The following SLC4A9 variants were observed in gnomAD, a reference collection of about 807,000 sequenced individuals.
SLC4A9 encodes the protein solute carrier family 4 member 9, also known as anion exchange protein 4.
SLC4A9 carries 102 observed loss-of-function variants against 103.2 expected under a neutral mutation model. The ratio of observed to expected loss-of-function variants is 0.99; its 90% CI spans 0.84 to 1.17. The LOEUF (loss-of-function observed/expected upper bound fraction) is 1.17, where lower values mean the gene tolerates loss of function less well. Ranked by LOEUF, SLC4A9 falls within the 50% of genes most tolerant of loss-of-function variation. The probability of loss-of-function intolerance (pLI) is 0.00; values close to 1 mark genes in which losing one functional copy is unlikely to be tolerated. For missense variants in SLC4A9, 1,091 were observed against 1,193.7 expected (o/e 0.91, Z 1.27); for synonymous variants, 453 against 483.6 (o/e 0.94, Z 0.83).
At chr5:140,370,902 CAAT>C in intron 17 of SLC4A9, 190 bp from the exon 18 acceptor site, 1 of 561,874 alleles carries the variant, frequency 1.8e-6, no homozygotes, top group African/African-American at 1.9e-5. Flanking sequence ...AAAATGAAGG[CAAT>C]AATAACATTT....
At chr5:140,368,404 GC>G (rs1411656968) in intron 16 of SLC4A9, among the ~76,000 whole-genome samples, 182 bp from the exon 17 acceptor site, 15 of 152,196 alleles carry the variant, frequency 9.9e-5, no homozygotes, top group African/African-American at 2.9e-4. Flanking sequence ...GAAGTGCTCT[GC>G]CCCTTCCTCT....
chr5:140,362,828 G>T lies in SLC4A9; in HGVS notation c.808-84G>T. On this transcript the variant is annotated intron_variant, in intron 6 of 21. Transcript: ENST00000506757. ...AATGACTTGTCTGCCTCTGTGACTT[G>T]TGTCTGTCTAGTTTTGAGACTATGA... The T allele has an allele frequency of 2.6e-6, 4 of 1,537,434 alleles. No homozygotes were observed. In the South Asian group the frequency reaches 3.4e-5, roughly 13 times the overall value.
rs991853633 is a variant in SLC4A9, at chr5:140,372,389, A to C, written c.2818A>C (p.Ser940Arg). 1 of 1,609,818 alleles carries C rather than the reference A, an allele frequency of 6.2e-7. No individual in the cohort carries two copies. Among genetic ancestry groups the C allele is most frequent in the Non-Finnish European group, 8.5e-7 (1 of 1,178,924 alleles). ...EPEHSFSGSD[S>R]EDSELMYQPK... ...AGAACACTCATTCAGTGGAAGTGAC[A>C]GTGAAGATGTGAGCTCCAGGCTGGG... The change falls in exon 20 of 22, where the codon AGT (serine) becomes CGT (arginine). Residue 940 changes from serine (S) to arginine (R), a missense_variant. Physicochemically the swap from Ser to Arg is moderately radical, Grantham distance 110. Transcript: ENST00000506757.
At chr5:140,374,084 G>C (rs1212963623) in intron 21 of SLC4A9, among the ~76,000 whole-genome samples, 2 of 151,602 alleles carry the variant, frequency 1.3e-5, no homozygotes, top group African/African-American at 4.9e-5. Context: ...AAGAGGCTGA[G>C]GCAGGAGAAT....
At chr5:140,372,508 A>G in intron 20 of SLC4A9, 111 bp downstream of exon 20, 3 of 1,516,474 alleles carry the variant, frequency 2.0e-6, no homozygotes, top group Non-Finnish European at 2.6e-6. Context: ...GATCTGATCA[A>G]CAGTCACTTC....
chr5:140,371,315 CTG>C (rs1768689409), intron 18 of SLC4A9, 134 bp from the exon 19 acceptor site: 2 of 1,391,446 alleles, frequency 1.4e-6, no homozygotes, highest in Admixed American at 3.7e-5. Context: ...TCTCTTTTTC[CTG>C]TCTCTCCTGG....
intron 12 of SLC4A9, 33 bp downstream of exon 12, chr5:140,365,611 G>T: frequency 6.2e-7 from 1 of 1,603,280 alleles, no homozygotes; most frequent in African/African-American, 1.3e-5. Flanking sequence ...TTCTAGGAAG[G>T]AAAGGGTGGA....
rs1769272783 is a variant in SLC4A9 at position 140,374,840 on chromosome 5, T to C, written c.*59T>C. 6.6e-6 allele frequency: 1 copy of C among 152,164 alleles called. No individual in the cohort carries two copies. Among genetic ancestry groups the C allele is most frequent in the Admixed American group, 6.6e-5 (1 of 15,260 alleles). 9.4% of individuals were successfully genotyped at this position (152,164 alleles called of 1,614,324 possible). A position where few individuals can be genotyped will look rare whatever the true frequency, so the allele number is the denominator to read the frequency against. Reference sequence around the variant, plus strand: ...CTTAACTTCCAGATGCTCAGTCGGCTTGGGGAAGGACTGAAGGGCAGCTGC... The same window carrying C: ...CTTAACTTCCAGATGCTCAGTCGGCCTGGGGAAGGACTGAAGGGCAGCTGC... On this transcript the variant is annotated 3_prime_UTR_variant, in exon 22 of 22. Coordinates refer to ENST00000506757, the MANE Select transcript of SLC4A9 (RefSeq NM_031467.3).
chr5:140,367,539 G>A lies in SLC4A9; in HGVS notation c.2133G>A (p.Gln711=). 6.2e-7 allele frequency: 1 copy of A among 1,603,636 alleles called. No homozygotes were observed. The highest frequency in any genetic ancestry group is 1.3e-5 in the African/African-American group (1 of 74,796). The change falls in exon 15 of 22, where the codon CAG becomes CAA. Residue 711 remains glutamine (Q), a synonymous_variant. Coordinates refer to ENST00000506757, the MANE Select transcript of SLC4A9 (RefSeq NM_031467.3). ...CTATCCTCATCTTCATGGACCAACA[G>A]ATCACAGCAGTCATCCTCAACCGCA... ...LLSILIFMDQ[Q]ITAVILNRME...
At chr5:140,372,957 G>A (rs919732424) in intron 21 of SLC4A9, 114 bp downstream of exon 21, 2 of 587,500 alleles carry the variant, frequency 3.4e-6, no homozygotes, top group East Asian at 6.4e-5. Context: ...AGTCCCTTAG[G>A]AATCCTAGAT....
intron 17 of SLC4A9, among the ~76,000 whole-genome samples, chr5:140,369,768 G>A (rs1323507633): frequency 6.6e-6 from 1 of 152,070 alleles, no homozygotes; most frequent in Non-Finnish European, 1.5e-5. Flanking sequence ...TTGGGAGGCC[G>A]AGGTGGGCGG....
chr5:140,365,090 C>T (rs532680745), intron 11 of SLC4A9, among the ~76,000 whole-genome samples: 7 of 152,276 alleles, frequency 4.6e-5, no homozygotes, highest in Admixed American at 1.3e-4. Flanking sequence ...TGAGAGTGGC[C>T]GGCCAGGTGG....
In SLC4A9 at chr5:140,360,761, G is replaced by A. The variant is rs1766946724; in HGVS notation, c.231-51G>A. 2.5e-6 allele frequency: 4 copies of A among 1,610,956 alleles called. No homozygotes were observed. In the South Asian group the frequency reaches 3.3e-5, roughly 13 times the overall value. On this transcript the variant is annotated intron_variant, in intron 1 of 21. Transcript: ENST00000506757. Reference sequence around the variant, plus strand: ...CTAGCTCCTCTGCATCTCTGCTCCTGGACATGGGAGAAATGCCCTCAATAA... The same window carrying A: ...CTAGCTCCTCTGCATCTCTGCTCCTAGACATGGGAGAAATGCCCTCAATAA...
At chr5:140,364,265 G>A (rs1767560848) in intron 10 of SLC4A9, 78 bp downstream of exon 10, 1 of 1,584,576 alleles carries the variant, frequency 6.3e-7, no homozygotes, top group Non-Finnish European at 8.6e-7. Context: ...ATAGGAGAGA[G>A]TGGGAGCTAT....
rs762348908 is a variant in SLC4A9 at position 140,371,471 on chromosome 5, G to A, written c.2517G>A (p.Leu839=). The A allele has an allele frequency of 6.2e-6, 10 of 1,614,006 alleles. No homozygotes were observed. Among genetic ancestry groups the A allele is most frequent in the African/African-American group, 1.3e-5 (1 of 75,056 alleles). ...SSIQFTNRVK[L]LLMPAKHQPD... ...CCTAGTTCACTAATAGGGTGAAGCT[G>A]TTGTTGATGCCAGCAAAACACCAGC... Residue 839 remains leucine, a synonymous_variant, in exon 19 of 22, where the codon CTG becomes CTA. Coordinates refer to ENST00000506757, the MANE Select transcript of SLC4A9 (RefSeq NM_031467.3).
At chr5:140,365,017 G>A (rs565361324) in intron 11 of SLC4A9, among the ~76,000 whole-genome samples, 2 of 152,302 alleles carry the variant, frequency 1.3e-5, no homozygotes, top group African/African-American at 4.8e-5. Flanking sequence ...AAAGGGGCAG[G>A]GCCAGGTATG....
Position 140,371,448 on chromosome 5 carries a change from T to G in SLC4A9, c.2497-3T>G, listed in dbSNP as rs747351509. ...TGCTTTCCTCTTCCTCTTGTTCCCCTAGTTCACTAATAGGGTGAAGCTGTT... is the reference window on the plus strand; with the variant it reads ...TGCTTTCCTCTTCCTCTTGTTCCCCGAGTTCACTAATAGGGTGAAGCTGTT... On this transcript the variant is annotated splice_polypyrimidine_tract_variant and splice_region_variant and intron_variant, in intron 18 of 21. Coordinates refer to ENST00000506757, the MANE Select transcript of SLC4A9 (RefSeq NM_031467.3). 19 of 1,613,996 alleles carry G rather than the reference T, an allele frequency of 1.2e-5. No individual in the cohort carries two copies. In the South Asian group the frequency reaches 2.1e-4, roughly 18 times the overall value.
At chr5:140,365,686 G>A in intron 12 of SLC4A9, 108 bp downstream of exon 12, 1 of 1,428,436 alleles carries the variant, frequency 7.0e-7, no homozygotes, top group South Asian at 1.3e-5. Flanking sequence ...TCATAGGTGA[G>A]TAAAGCTTAG....
chr5:140,370,313 A>T (rs1768515743), intron 17 of SLC4A9, among the ~76,000 whole-genome samples: 1 of 151,898 alleles, frequency 6.6e-6, no homozygotes, highest in Non-Finnish European at 1.5e-5. Flanking sequence ...AAAATATAAA[A>T]GTTAGCTGGG....
Sources: allele counts gnomAD v4.1 joint callset (sites outside exome capture counted in the v4.1 genomes callset), GRCh38; gene constraint gnomAD v4.1.1; transcripts MANE v1.5; gene names NCBI Gene and HGNC (gene_info 2026-07-23, HGNC 2026-07-21).